The following SLC35D1 variants were observed in gnomAD, a reference collection of about 807,000 sequenced individuals.
SLC35D1 encodes the protein nucleotide sugar transporter SLC35D1.
In SLC35D1, 31 loss-of-function variants were observed where a neutral mutation model predicts 46.7. The ratio of observed to expected loss-of-function variants is 0.66; its 90% CI spans 0.50 to 0.90. SLC35D1 has a LOEUF of 0.90. SLC35D1 is among the 40% of genes least tolerant of loss of function. The pLI is 0.00. For missense variants in SLC35D1, 397 were observed against 426.2 expected (o/e 0.93, Z 0.60); for synonymous variants, 195 against 164.6 (o/e 1.18, Z -1.41).
intron 11 of SLC35D1, among the ~76,000 whole-genome samples, chr1:67,005,018 C>T (rs1283585865): frequency 6.6e-5 from 10 of 152,138 alleles, no homozygotes; most frequent in African/African-American, 2.4e-4. Flanking sequence ...ACTTATCCAT[C>T]GCACCTACCA....
At chr1:67,043,940 C>T (rs1558165287) in intron 7 of SLC35D1, among the ~76,000 whole-genome samples, 1 of 152,112 alleles carries the variant, frequency 6.6e-6, no homozygotes, top group Non-Finnish European at 1.5e-5. Context: ...ATAACACTTG[C>T]CTAACTCCTG....
intron 10 of SLC35D1, among the ~76,000 whole-genome samples, chr1:67,017,371 G>C (rs1262020597): frequency 2.0e-5 from 3 of 151,970 alleles, no homozygotes; most frequent in African/African-American, 7.2e-5. Flanking sequence ...CTAATATTTA[G>C]ACTAAAACCT....
downstream of SLC35D1, chr1:66,999,208 C>T (rs534672714): frequency 6.6e-6 from 1 of 152,314 alleles, no homozygotes; most frequent in African/African-American, 2.4e-5. Flanking sequence ...TGCCACAAGA[C>T]ACTGGATATT....
At chr1:66,997,388 C>T (rs66478764), downstream of SLC35D1, among the ~76,000 whole-genome samples, 13,687 of 150,558 alleles carry the variant, frequency 0.091, 894 homozygotes, top group African/African-American at 0.19. Context: ...ACCTCTACTC[C>T]GCTACTCAGG....
rs895875805 is a variant in SLC35D1, at chr1:67,003,852, A to G, written c.*488T>C. 2 of 179,418 alleles carry G rather than the reference A, an allele frequency of 1.1e-5. No individual in the cohort carries two copies. Among genetic ancestry groups the G allele is most frequent in the African/African-American group, 4.8e-5 (2 of 41,746 alleles). 11.1% of individuals were successfully genotyped at this position (179,418 alleles called of 1,614,324 possible). A position where few individuals can be genotyped will look rare whatever the true frequency, so the allele number is the denominator to read the frequency against. On this transcript the variant is annotated 3_prime_UTR_variant, in exon 12 of 12. Transcript: ENST00000235345. Reference sequence around the variant, plus strand: ...TTTCCTTGGCAAATGGAATGATGATATGATGAAGACAATGCAATCATAAGA... The same window carrying G: ...TTTCCTTGGCAAATGGAATGATGATGTGATGAAGACAATGCAATCATAAGA...
chr1:67,045,476 T>A (rs1263030216), intron 7 of SLC35D1, among the ~76,000 whole-genome samples: 1 of 152,226 alleles, frequency 6.6e-6, no homozygotes, highest in Non-Finnish European at 1.5e-5. Flanking sequence ...CCTTTTATAC[T>A]GCTGGTAAAC....
In SLC35D1 at chr1:67,000,843, A is replaced by G. The variant is rs1667324789; in HGVS notation, c.*3497T>C. 1 of 152,334 alleles carries G rather than the reference A, an allele frequency of 6.6e-6. No individual in the cohort carries two copies. The highest frequency in any genetic ancestry group is 2.1e-4 in the South Asian group (1 of 4,822). 9.4% of individuals were successfully genotyped at this position (152,334 alleles called of 1,614,324 possible). On this transcript the variant is annotated 3_prime_UTR_variant, in exon 12 of 12. Transcript: ENST00000235345. ...ACAGAATTCTAAGAGCTGTGTTGCT[A>G]TCTCAGAGCTAGAAGATTAACTAAT...
intron 9 of SLC35D1, 105 bp from the exon 10 acceptor site, chr1:67,020,552 C>G: frequency 2.4e-6 from 2 of 816,744 alleles, no homozygotes; most frequent in Non-Finnish European, 4.2e-6. Context: ...TAGTCACTGA[C>G]CAGCTATGAA....
At chr1:67,027,255 T>C (rs1667933214) in intron 8 of SLC35D1, among the ~76,000 whole-genome samples, 1 of 152,178 alleles carries the variant, frequency 6.6e-6, no homozygotes, top group African/African-American at 2.4e-5. Flanking sequence ...TTTCTGATAT[T>C]GATAATTTAT....
intron 8 of SLC35D1, among the ~76,000 whole-genome samples, chr1:67,041,712 T>C (rs1315806136): frequency 6.6e-6 from 1 of 152,192 alleles, no homozygotes; most frequent in African/African-American, 2.4e-5. Flanking sequence ...TTGCAGAAAA[T>C]TGGTAAACTA....
At chr1:67,021,724 GACACACAC>G (rs35069681) in intron 8 of SLC35D1, 122 bp from the exon 9 acceptor site, 54 of 422,736 alleles carry the variant, frequency 1.3e-4, no homozygotes, top group African/African-American at 3.8e-4. Flanking sequence ...CACAGACACA[GACACACAC>G]ACACACACAC....
At chr1:67,028,563 T>G (rs1287062196) in intron 8 of SLC35D1, among the ~76,000 whole-genome samples, 1 of 152,228 alleles carries the variant, frequency 6.6e-6, no homozygotes, top group Admixed American at 6.5e-5. Context: ...TTTTGAGGAA[T>G]TAACCCATTT....
intron 10 of SLC35D1, among the ~76,000 whole-genome samples, chr1:67,017,387 C>A: frequency 6.6e-6 from 1 of 152,126 alleles, no homozygotes; most frequent in Non-Finnish European, 1.5e-5. Context: ...AACCTGAATT[C>A]TTTCCTGGCT....
At chr1:66,977,059 A>G in the SLC35D1 span, among the ~76,000 whole-genome samples, 3 of 152,072 alleles carry the variant, frequency 2.0e-5, no homozygotes, top group Non-Finnish European at 4.4e-5. Context: ...CTGTGAAAGC[A>G]TGTTTTTCTT....
At chr1:67,043,476 G>C (rs1205846483) in intron 7 of SLC35D1, among the ~76,000 whole-genome samples, 1 of 152,080 alleles carries the variant, frequency 6.6e-6, no homozygotes, top group Admixed American at 6.6e-5. Context: ...AGGAATCCAA[G>C]GGAGGCTGCA....
At chr1:67,021,035 AACTG>A (rs1330177110) in intron 9 of SLC35D1, among the ~76,000 whole-genome samples, 1 of 152,130 alleles carries the variant, frequency 6.6e-6, no homozygotes, top group Non-Finnish European at 1.5e-5. Context: ...ATAGCAACTA[AACTG>A]ACTGGCTGAG....
At position 67,052,829 on chromosome 1, in the gene SLC35D1, A is replaced by C. The variant is rs757031453; in HGVS notation, c.266T>G (p.Val89Gly). Reference protein sequence around the residue: ...QMVATVAVLWVGKALRVVKFP... With the variant: ...QMVATVAVLWGGKALRVVKFP... The stretch of plus-strand genomic sequence containing the variant: ...CTTGACTACTCTGAGCGCCTTTCCC[A>C]CCCAGAGAACTGCCACTGTGGCCAC... Residue 89 changes from valine (V) to glycine (G), a missense_variant, in exon 3 of 12, where the codon GTG becomes GGG. Transcript: ENST00000235345. 11 of 1,614,192 alleles carry C rather than the reference A, an allele frequency of 6.8e-6. No individual in the cohort carries two copies. Among genetic ancestry groups the C allele is most frequent in the African/African-American group, 1.3e-5 (1 of 75,038 alleles).
At chr1:66,986,003 GTTA>G in the SLC35D1 span, 2 of 990,120 alleles carry the variant, frequency 2.0e-6, no homozygotes, top group Non-Finnish European at 2.4e-6. Flanking sequence ...CCAGAATCCT[GTTA>G]TTTTTATATG....
At chr1:67,009,038 G>T in intron 11 of SLC35D1, 47 bp downstream of exon 11, 2 of 877,014 alleles carry the variant, frequency 2.3e-6, no homozygotes, top group South Asian at 1.4e-5. Context: ...GACACTATTT[G>T]AATATCCAAT....
Sources: allele counts gnomAD v4.1 joint callset (sites outside exome capture counted in the v4.1 genomes callset), GRCh38; gene constraint gnomAD v4.1.1; transcripts MANE v1.5; gene names NCBI Gene and HGNC (gene_info 2026-07-23, HGNC 2026-07-21).